PCDH15: variants seen among roughly 807,000 people sequenced by gnomAD.
PCDH15 encodes protocadherin-15.
In PCDH15, 129 loss-of-function variants were observed where a neutral mutation model predicts 178.5. The ratio of observed to expected loss-of-function variants is 0.72; its 90% CI spans 0.63 to 0.84. The LOEUF (loss-of-function observed/expected upper bound fraction) is 0.84, where lower values mean the gene tolerates loss of function less well. PCDH15 is among the 40% of genes least tolerant of loss of function. The pLI is 0.00. For missense variants in PCDH15, 2,230 were observed against 2,099.9 expected, an observed-to-expected ratio of 1.06 and a Z score of -1.21; for synonymous variants, 800 against 732.0, an observed-to-expected ratio of 1.09 and a Z score of -1.50.
At chr10:54,121,156 A>C (rs2095212637) in intron 15 of PCDH15, among the ~76,000 whole-genome samples, 1 of 137,292 alleles carries the variant, frequency 7.3e-6, no homozygotes, top group Non-Finnish European at 1.6e-5. Context: ...AAACCCCATG[A>C]TTACATGGAA....
At chr10:55,480,026 G>C (rs1246527953) in intron 2 of PCDH15, among the ~76,000 whole-genome samples, 2 of 131,070 alleles carry the variant, frequency 1.5e-5, no homozygotes, top group Non-Finnish European at 3.4e-5. Flanking sequence ...GTTTCTTCCA[G>C]TCTGTGAAGA....
chr10:54,117,167 G>T (rs1055764282), intron 15 of PCDH15, among the ~76,000 whole-genome samples: 1 of 152,132 alleles, frequency 6.6e-6, no homozygotes, highest in Admixed American at 6.5e-5. Flanking sequence ...TGAGCCAAAA[G>T]CAGAGTGGCA....
chr10:54,781,529 T>C (rs894223891), intron 1 of PCDH15, among the ~76,000 whole-genome samples: 18 of 152,150 alleles, frequency 1.2e-4, no homozygotes, highest in Admixed American at 8.5e-4. Context: ...GATTATAAAA[T>C]TGATACTCTA....
At chr10:55,295,621 G>A (rs1843113239) in intron 1 of PCDH15, among the ~76,000 whole-genome samples, 1 of 152,132 alleles carries the variant, frequency 6.6e-6, no homozygotes, top group Non-Finnish European at 1.5e-5. Context: ...CACTTTGTGG[G>A]ACTAGCAGTA....
At chr10:54,821,510 A>G (rs1413919913) in intron 3 of PCDH15, among the ~76,000 whole-genome samples, 4 of 152,164 alleles carry the variant, frequency 2.6e-5, no homozygotes, top group South Asian at 2.1e-4. Flanking sequence ...AAGTTGGCAC[A>G]TACCAAGAAA....
intron 10 of PCDH15, among the ~76,000 whole-genome samples, chr10:54,198,229 G>C (rs1488241657): frequency 6.6e-6 from 1 of 152,104 alleles, no homozygotes; most frequent in African/African-American, 2.4e-5. Context: ...TCTTTTAGGA[G>C]TTACCCCTGT....
intron 21 of PCDH15, among the ~76,000 whole-genome samples, chr10:53,992,421 A>C (rs1328676109): frequency 2.6e-5 from 4 of 152,198 alleles, no homozygotes; most frequent in Non-Finnish European, 4.4e-5. Context: ...ACTCTACTTT[A>C]AACAAGAACC....
chr10:54,623,848 A>C (rs1292582964), intron 2 of PCDH15, among the ~76,000 whole-genome samples: 1 of 152,084 alleles, frequency 6.6e-6, no homozygotes, highest in African/African-American at 2.4e-5. Context: ...TATTACTAGG[A>C]TCCATTAGCT....
chr10:54,484,770 A>G (rs1177211533), intron 3 of PCDH15, among the ~76,000 whole-genome samples: 1 of 151,890 alleles, frequency 6.6e-6, no homozygotes, highest in Non-Finnish European at 1.5e-5. Flanking sequence ...AAAAATTAAA[A>G]ACAAAGGGAA....
intron 2 of PCDH15, among the ~76,000 whole-genome samples, chr10:55,118,441 T>A (rs928392529): frequency 5.9e-5 from 9 of 152,158 alleles, no homozygotes; most frequent in African/African-American, 2.2e-4. Context: ...GACTATGACA[T>A]TCAACTTCCC....
intron 15 of PCDH15, among the ~76,000 whole-genome samples, chr10:54,108,935 G>T (rs1333945207): frequency 2.6e-5 from 4 of 152,048 alleles, no homozygotes; most frequent in Admixed American, 6.6e-5. Context: ...GTCCTGGTAG[G>T]ACCCATCAAC....
intron 2 of PCDH15, among the ~76,000 whole-genome samples, chr10:54,614,171 A>G (rs2093056811): frequency 2.0e-5 from 3 of 152,098 alleles, no homozygotes; most frequent in Admixed American, 2.0e-4. Context: ...ATATATTAGT[A>G]TAACAATAAA....
At chr10:54,014,300 C>T (rs541167468) in intron 20 of PCDH15, among the ~76,000 whole-genome samples, 1 of 151,788 alleles carries the variant, frequency 6.6e-6, no homozygotes, top group South Asian at 2.1e-4. Context: ...TAGGAAAAGC[C>T]CAGGACCAGT....
At chr10:54,224,731 T>C (rs2053244813) in intron 9 of PCDH15, among the ~76,000 whole-genome samples, 1 of 152,124 alleles carries the variant, frequency 6.6e-6, no homozygotes, top group African/African-American at 2.4e-5. Flanking sequence ...AAATTACCTC[T>C]AATTTCTCAT....
At chr10:54,240,626 C>CTTTTTT (rs1228784141) in intron 8 of PCDH15, among the ~76,000 whole-genome samples, 161 of 79,676 alleles carry the variant, frequency 2.0e-3, no homozygotes, top group East Asian at 5.3e-3. Flanking sequence ...TTTTCTTTTG[C>CTTTTTT]TTTTTTTTTT....
chr10:55,027,564 A>G (rs1437655827), intron 2 of PCDH15, among the ~76,000 whole-genome samples: 1 of 151,854 alleles, frequency 6.6e-6, no homozygotes, highest in East Asian at 1.9e-4. Flanking sequence ...AAGAGTATAT[A>G]TGAGAAATGT....
chr10:55,318,220 ACG>A (rs1843780934), intron 1 of PCDH15, among the ~76,000 whole-genome samples: 1 of 152,108 alleles, frequency 6.6e-6, no homozygotes, highest in South Asian at 2.1e-4. Context: ...AAAAAAACAC[ACG>A]AGAGAGAGAG....
chr10:55,392,291 G>C lies in PCDH15; in HGVS notation c.-155-225640C>G, dbSNP rs1010315909. 7.2e-5 allele frequency among the ~76,000 whole-genome samples: 11 copies of C among 152,204 alleles called. 1 individual carries two copies. Among genetic ancestry groups the C allele is most frequent in the Non-Finnish European group, 1.3e-4 (9 of 68,048 alleles). The stretch of plus-strand genomic sequence containing the variant: ...GTGGTGATAGACTTGCTAAAAGTGA[G>C]GTTGGCACAGACCTTCAATTTGTAA... On this transcript the variant is annotated intron_variant, in intron 2 of 5. Transcript: ENST00000613346.
chr10:53,941,129 C>CA (rs1428749279), intron 23 of PCDH15, among the ~76,000 whole-genome samples, 154 bp from the exon 24 acceptor site: 3 of 152,174 alleles, frequency 2.0e-5, no homozygotes, highest in Non-Finnish European at 1.5e-5. Flanking sequence ...ATCCCCCACC[C>CA]AACTGCTACC....
Sources: gnomAD v4.1 joint callset for allele counts (sites outside exome capture counted in the v4.1 genomes callset) on GRCh38, gnomAD v4.1.1 for gene constraint, MANE v1.5 for transcripts, NCBI Gene and HGNC (gene_info 2026-07-23, HGNC 2026-07-21) for gene names.